Variants in FAM135A observed in about 807,000 individuals in gnomAD.
FAM135A encodes family with sequence similarity 135 member A, also known as protein FAM135A.
Under a neutral mutation model 146.8 loss-of-function variants are expected in FAM135A, and 79 were observed. That is an observed-to-expected ratio of 0.54 (90% confidence interval 0.45 to 0.65). The LOEUF is 0.65. Among genes scored for constraint, FAM135A ranks in the 30% least tolerant of loss-of-function variants. The pLI is 0.00. For missense variants in FAM135A, 1,623 were observed against 1,758.2 expected (o/e 0.92, Z 1.38); for synonymous variants, 562 against 603.6 (o/e 0.93, Z 1.01).
intron 10 of FAM135A, among the ~76,000 whole-genome samples, chr6:70,488,531 A>G (rs1442437233): frequency 6.7e-6 from 1 of 149,626 alleles, no homozygotes; most frequent in Non-Finnish European, 1.5e-5. Context: ...GTATAAATGG[A>G]TATACAGTAT....
chr6:70,501,715 G>C (rs1561924628), intron 11 of FAM135A, among the ~76,000 whole-genome samples: 1 of 152,182 alleles, frequency 6.6e-6, no homozygotes, highest in Non-Finnish European at 1.5e-5. Context: ...TCATGGCTTT[G>C]CTTGGCTTGG....
Position 70,519,220 on chromosome 6 carries a change from G to A in FAM135A, c.1030-3293G>A, listed in dbSNP as rs552004373. 2.2e-3 allele frequency among the ~76,000 whole-genome samples: 336 copies of A among 152,290 alleles called. 17 individuals carry two copies. The South Asian group carries it at 0.067, about 31-fold the overall frequency. On this transcript the variant is annotated intron_variant, in intron 12 of 21. Transcript: ENST00000418814. ...TGCAAATGTGGTATAAATAGCAAGA[G>A]AACTAGAATTAGAAGTGGAGCCTGA...
At chr6:70,442,072 A>G (rs1474554157) in intron 4 of FAM135A, among the ~76,000 whole-genome samples, 2 of 151,922 alleles carry the variant, frequency 1.3e-5, no homozygotes, top group East Asian at 3.9e-4. Context: ...TACTTTTTTA[A>G]TTTTATGTTT....
At chr6:70,519,428 C>T (rs865808135) in intron 12 of FAM135A, among the ~76,000 whole-genome samples, 16 of 152,128 alleles carry the variant, frequency 1.1e-4, no homozygotes, top group Admixed American at 3.3e-4. Flanking sequence ...AAAGCAGTGG[C>T]GAGTCAAGAG....
At position 70,417,585 on chromosome 6, in the gene FAM135A, A is replaced by G. The variant is rs571439826; in HGVS notation, c.-134+2209A>G. The G allele has an allele frequency of 3.1e-6, 3 of 983,202 alleles. No homozygotes were observed. The South Asian group carries it at 1.4e-4, about 46-fold the overall frequency. 60.9% of individuals were successfully genotyped at this position (983,202 alleles called of 1,614,324 possible). On this transcript the variant is annotated intron_variant, in intron 2 of 21. Coordinates refer to ENST00000418814, the MANE Select transcript of FAM135A (RefSeq NM_001162529.3). ...CTGGTCTTAATTTAACCTGAACTAGAATAAGTATTCCTTTATTGAAATACC... is the reference window on the plus strand; with the variant it reads ...CTGGTCTTAATTTAACCTGAACTAGGATAAGTATTCCTTTATTGAAATACC...
chr6:70,435,081 G>A (rs12332921), intron 4 of FAM135A, among the ~76,000 whole-genome samples: 62 of 94,278 alleles, frequency 6.6e-4, no homozygotes, highest in African/African-American at 2.7e-3. Context: ...GTGTGTGTGT[G>A]TATATATATA....
intron 5 of FAM135A, among the ~76,000 whole-genome samples, chr6:70,473,726 C>T (rs573371804): frequency 2.0e-5 from 3 of 152,278 alleles, no homozygotes; most frequent in African/African-American, 7.2e-5. Flanking sequence ...CCCACTTGAC[C>T]TCAGTAAGGC....
chr6:70,491,030 C>G lies in FAM135A; in HGVS notation c.824-4C>G. 1.3e-6 allele frequency: 2 copies of G among 1,593,054 alleles called. No homozygotes were observed. Among genetic ancestry groups the G allele is most frequent in the Non-Finnish European group, 1.7e-6 (2 of 1,170,680 alleles). The stretch of plus-strand genomic sequence containing the variant: ...ATATTTCCTCTACTCTTTACTCCTT[C>G]CAGAGGAAATGGATGTAGAAGCTCG... On this transcript the variant is annotated splice_polypyrimidine_tract_variant and splice_region_variant and intron_variant, in intron 10 of 21. Transcript: ENST00000418814.
Position 70,528,559 on chromosome 6 carries a change from TGC to T in FAM135A, c.3775+108_3775+109del, listed in dbSNP as rs1795178123. ...TTGAACTAAAAAAAGATTTTTTAAT[TGC>T]TTAAATTAATTGAATCTTAAATGCA... is the stretch of plus-strand genomic sequence containing the variant. On this transcript the variant is annotated intron_variant, in intron 16 of 21. Transcript: ENST00000418814. 5 of 987,526 alleles carry T rather than the reference TGC, an allele frequency of 5.1e-6. No homozygotes were observed. The Admixed American group carries it at 1.5e-4, about 30-fold the overall frequency. The allele number at this position is 987,526 out of a possible 1,614,324, so 61.2% of individuals were successfully genotyped here. A position where few individuals can be genotyped will look rare whatever the true frequency, so the allele number is the denominator to read the frequency against.
chr6:70,461,013 G>A (rs1298545830), intron 5 of FAM135A, among the ~76,000 whole-genome samples: 4 of 151,834 alleles, frequency 2.6e-5, no homozygotes, highest in Admixed American at 6.6e-5. Flanking sequence ...TAGTAAAGAC[G>A]GGGTTTCATC....
intron 4 of FAM135A, among the ~76,000 whole-genome samples, chr6:70,452,141 A>G (rs1377729879): frequency 6.6e-6 from 1 of 152,078 alleles, no homozygotes; most frequent in African/African-American, 2.4e-5. Flanking sequence ...ATTATAAGTA[A>G]TTATCTTTTT....
intron 12 of FAM135A, among the ~76,000 whole-genome samples, chr6:70,508,296 G>T (rs78745725): frequency 1.3e-5 from 2 of 152,246 alleles, no homozygotes; most frequent in Non-Finnish European, 1.5e-5. Context: ...CAGGATTTCT[G>T]CTCACAAGCC....
chr6:70,417,124 T>C (rs1347865565), intron 2 of FAM135A, among the ~76,000 whole-genome samples: 4 of 152,190 alleles, frequency 2.6e-5, no homozygotes, highest in Admixed American at 6.5e-5. Context: ...TTTGATAAAC[T>C]ATCTCTCAAC....
At chr6:70,475,778 T>C in intron 7 of FAM135A, 45 bp downstream of exon 7, 1 of 1,393,396 alleles carries the variant, frequency 7.2e-7, no homozygotes, top group South Asian at 1.2e-5. Context: ...CTTATGACTG[T>C]TATTTGTTAT....
chr6:70,518,541 C>G (rs1246230897), intron 12 of FAM135A, among the ~76,000 whole-genome samples: 2 of 152,198 alleles, frequency 1.3e-5, no homozygotes, highest in African/African-American at 2.4e-5. Context: ...CCATCTAGGA[C>G]TTTCATAGCT....
intron 5 of FAM135A, among the ~76,000 whole-genome samples, chr6:70,462,122 T>G (rs933682358): frequency 2.0e-5 from 3 of 152,234 alleles, no homozygotes; most frequent in Non-Finnish European, 4.4e-5. Context: ...TTTCAAGAAT[T>G]CACTCTATGT....
intron 18 of FAM135A, among the ~76,000 whole-genome samples, chr6:70,534,380 C>T (rs553215837): frequency 1.5e-5 from 2 of 132,158 alleles, no homozygotes; most frequent in African/African-American, 2.9e-5. Flanking sequence ...AGAGCAGTGG[C>T]GCCATCTCGG....
chr6:70,557,434 C>G (rs1159085849), intron 21 of FAM135A: 1 of 152,938 alleles, frequency 6.5e-6, no homozygotes, highest in African/African-American at 2.4e-5. Context: ...TGGCTCCTGC[C>G]TGTAATCCCA....
chr6:70,422,108 A>G (rs1159264226), intron 2 of FAM135A, among the ~76,000 whole-genome samples: 1 of 152,224 alleles, frequency 6.6e-6, no homozygotes, highest in African/African-American at 2.4e-5. Context: ...TTAGAAATAC[A>G]CAGTTTGTTT....
Sources: allele counts gnomAD v4.1 joint callset (sites outside exome capture counted in the v4.1 genomes callset), GRCh38; gene constraint gnomAD v4.1.1; transcripts MANE v1.5; gene names NCBI Gene and HGNC (gene_info 2026-07-23, HGNC 2026-07-21).